ATP13A3: variants seen among roughly 807,000 people sequenced by gnomAD.
The protein encoded by ATP13A3 is polyamine-transporting ATPase 13A3.
A neutral mutation model predicts 158.1 loss-of-function variants in ATP13A3; 59 were observed. The ratio of observed to expected loss-of-function variants is 0.37; its 90% CI spans 0.30 to 0.46. The LOEUF is 0.46. ATP13A3 is among the 20% of genes least tolerant of loss of function. The probability of loss-of-function intolerance (pLI) is 1.00; values close to 1 mark genes in which losing one functional copy is unlikely to be tolerated. For synonymous variants in ATP13A3, 491 were observed against 504.3 expected (o/e 0.97, Z 0.35); for missense variants, 1,166 against 1,525.2 (o/e 0.76, Z 3.92).
At chr3:194,455,859 T>C (rs749614901) in intron 8 of ATP13A3, 34 bp downstream of exon 8, 2 of 1,292,740 alleles carry the variant, frequency 1.5e-6, no homozygotes, top group Admixed American at 2.3e-5. Flanking sequence ...CCATTGATCA[T>C]GACTGTTAAG....
At chr3:194,471,132 G>C (rs959354636) in intron 2 of ATP13A3, among the ~76,000 whole-genome samples, 3 of 151,936 alleles carry the variant, frequency 2.0e-5, no homozygotes, top group African/African-American at 7.3e-5. Flanking sequence ...AGGAACCTTT[G>C]AAGCACATCA....
At position 194,446,986 on chromosome 3, in the gene ATP13A3, A is replaced by T; in HGVS notation, c.1438T>A (p.Cys480Ser). 3 of 1,613,854 alleles carry T rather than the reference A, an allele frequency of 1.9e-6. No individual in the cohort carries two copies. Among genetic ancestry groups the T allele is most frequent in the Non-Finnish European group, 1.7e-6 (2 of 1,179,962 alleles). The change falls in exon 14 of 34, where the codon TGT (cysteine) becomes AGT (serine). Residue 480 changes from cysteine (C) to serine (S), a missense_variant. This residue lies in a region of ATP13A3 where 997 missense variants were observed against 1,341.2 expected (regional missense o/e 0.74). Coordinates refer to ENST00000645319, the MANE Select transcript of ATP13A3 (RefSeq NM_001367549.1). The stretch of plus-strand genomic sequence containing the variant: ...ATATTTATTCTTTGAGGACTGATAC[A>T]GAAAATACCGATTTTTTTCAGTCTT... Reference protein sequence around the residue: ...QRRLKKIGIFCISPQRINICG... With the variant: ...QRRLKKIGIFSISPQRINICG...
chr3:194,441,836 A>T (rs1718072489), intron 15 of ATP13A3, among the ~76,000 whole-genome samples: 1 of 152,204 alleles, frequency 6.6e-6, no homozygotes, highest in Non-Finnish European at 1.5e-5. Flanking sequence ...CCTTGGGAAA[A>T]GGGCAGATGA....
intron 15 of ATP13A3, 74 bp from the exon 16 acceptor site, chr3:194,441,535 G>T: frequency 7.5e-7 from 1 of 1,340,366 alleles, no homozygotes; most frequent in Non-Finnish European, 1.0e-6. Context: ...GGCTTTTCTG[G>T]TTTTGTAATT....
chr3:194,415,661 CTTTTTTTTTTTTTT>C (rs751005733), intron 31 of ATP13A3, among the ~76,000 whole-genome samples: 1 of 90,928 alleles, frequency 1.1e-5, no homozygotes, highest in Admixed American at 1.2e-4. Context: ...ATACCACATT[CTTTTTTTTTTTTTT>C]TTTTTTTTTT....
intron 2 of ATP13A3, among the ~76,000 whole-genome samples, chr3:194,465,245 G>GTT (rs2108994402): frequency 6.6e-6 from 1 of 152,330 alleles, no homozygotes; most frequent in African/African-American, 2.4e-5. Flanking sequence ...CTCAGAGGGA[G>GTT]CCCAGCAGTT....
intron 20 of ATP13A3, among the ~76,000 whole-genome samples, chr3:194,436,475 T>G (rs2108842824): frequency 6.6e-6 from 1 of 152,254 alleles, no homozygotes; most frequent in East Asian, 1.9e-4. Context: ...AAAATAAACT[T>G]CTAAAAAATT....
chr3:194,435,933 A>C (rs922887023), intron 20 of ATP13A3, among the ~76,000 whole-genome samples: 2 of 152,126 alleles, frequency 1.3e-5, no homozygotes, highest in Non-Finnish European at 2.9e-5. Flanking sequence ...ACTGTAGGCA[A>C]TTCAGTAATT....
At chr3:194,438,336 A>T (rs1717809385) in intron 17 of ATP13A3, among the ~76,000 whole-genome samples, 1 of 152,226 alleles carries the variant, frequency 6.6e-6, no homozygotes, top group African/African-American at 2.4e-5. Flanking sequence ...AACTTAAAAA[A>T]TAGTAATAAT....
Position 194,413,825 on chromosome 3 carries a change from T to C in ATP13A3, c.3417A>G (p.Pro1139=), listed in dbSNP as rs371360040. 1.5e-5 allele frequency: 24 copies of C among 1,613,342 alleles called. No homozygotes were observed. The highest frequency in any genetic ancestry group is 4.0e-5 in the African/African-American group (3 of 74,916). The part of the protein sequence containing the change: ...VDQVLQIVCV[P]YQWRVTMLII... ...TGAGCATAGTTACACGCCACTGATA[T>C]GGTACACACACTATCTGTAATGCAA... Residue 1139 remains proline, a synonymous_variant, in exon 32 of 34, where the codon CCA becomes CCG. Transcript: ENST00000645319.
At position 194,429,690 on chromosome 3, in the gene ATP13A3, A is replaced by C. The variant is rs759315254; in HGVS notation, c.2862T>G (p.Thr954=). The change falls in exon 27 of 34, where the codon ACT becomes ACG. Residue 954 remains threonine (T), a synonymous_variant. Transcript: ENST00000645319. ...TGTTAATACTCACAGAATACAGCAG[A>C]GTAACACTGAAGTACTGGATAATGC... ...LYSIIQYFSV[T]LLYSILSNLG... The C allele has an allele frequency of 4.4e-6, 7 of 1,608,802 alleles. No homozygotes were observed. Among genetic ancestry groups the C allele is most frequent in the Non-Finnish European group, 5.1e-6 (6 of 1,175,360 alleles).
Position 194,415,457 on chromosome 3 carries a change from C to T in ATP13A3, c.3403-1618G>A, listed in dbSNP as rs573411837. On this transcript the variant is annotated intron_variant, in intron 31 of 33. Coordinates refer to ENST00000645319, the MANE Select transcript of ATP13A3 (RefSeq NM_001367549.1). ...CTTTTACTGTAAGTGCTTATCTAAA[C>T]CCCTCAATGAAATATGCAGGGAAAC... Among the ~76,000 whole-genome samples, 5 of 152,216 alleles carry T rather than the reference C, an allele frequency of 3.3e-5. No individual in the cohort carries two copies. In the South Asian group the frequency reaches 1.0e-3, roughly 32 times the overall value.
chr3:194,409,037 G>A (rs1158416193), intron 33 of ATP13A3, among the ~76,000 whole-genome samples: 1 of 152,156 alleles, frequency 6.6e-6, no homozygotes, highest in East Asian at 1.9e-4. Flanking sequence ...AGTAGCTATA[G>A]CAACCGGATC....
chr3:194,437,166 G>A lies in ATP13A3; in HGVS notation c.2049C>T (p.Phe683=). 6.2e-7 allele frequency: 1 copy of A among 1,614,064 alleles called. No homozygotes were observed. Among genetic ancestry groups the A allele is most frequent in the Non-Finnish European group, 8.5e-7 (1 of 1,179,930 alleles). The change falls in exon 20 of 34, where the codon TTC becomes TTT. Residue 683 remains phenylalanine (F), a synonymous_variant. Coordinates refer to ENST00000645319, the MANE Select transcript of ATP13A3 (RefSeq NM_001367549.1). ...NVLEDFTKQG[F]RVIALAHRKL... is the part of the protein sequence containing the mutation. ...TTCTGTGTGCAAGAGCAATCACACG[G>A]AAGCCCTGTTTAGTGAAGTCTTCCA...
At chr3:194,485,876 C>T (rs9819376) in intron 1 of ATP13A3, 41 bp from the exon 2 acceptor site, 30,278 of 152,116 alleles carry the variant, frequency 0.2, 5,993 homozygotes, top group African/African-American at 0.51. Flanking sequence ...CACAAAGCTT[C>T]TTCCACACCG....
intron 30 of ATP13A3, among the ~76,000 whole-genome samples, chr3:194,423,219 C>T (rs1716515390): frequency 6.6e-6 from 1 of 151,718 alleles, no homozygotes; most frequent in African/African-American, 2.4e-5. Flanking sequence ...CAGGTAACCA[C>T]ACAGACTGAA....
At chr3:194,430,920 C>G in intron 24 of ATP13A3, 23 bp downstream of exon 24, 2 of 1,562,196 alleles carry the variant, frequency 1.3e-6, no homozygotes, top group Non-Finnish European at 1.7e-6. Context: ...AAAACCAAAA[C>G]CAAAAAAGAC....
rs1051638867 is a variant in ATP13A3, at chr3:194,446,399, G to A, written c.1497+528C>T. Among the ~76,000 whole-genome samples the A allele has an allele frequency of 1.6e-4, 25 of 152,132 alleles. 1 individual carries two copies. The highest frequency in any genetic ancestry group is 1.0e-4 in the Non-Finnish European group (7 of 68,028). ...GCACATTTAAATGGTCCCAGTCTGC[G>A]CGAGTGTGAGTACACCCTGCGATAC... On this transcript the variant is annotated intron_variant, in intron 14 of 33. Transcript: ENST00000645319.
At position 194,454,356 on chromosome 3, in the gene ATP13A3, C is replaced by T. The variant is rs771998820; in HGVS notation, c.667G>A (p.Val223Ile). Residue 223 changes from valine (V) to isoleucine (I), a missense_variant, in exon 9 of 34, where the codon GTT (valine) becomes ATT (isoleucine). Around this residue, in one of 3 missense-constraint regions of ATP13A3, gnomAD observed 997 missense variants for 1,341.2 expected, o/e 0.74. Coordinates refer to ENST00000645319, the MANE Select transcript of ATP13A3 (RefSeq NM_001367549.1). ...TATTCATCAGTGCTCCACAGTATAACACTGAACAGCTGGAAAATGTAAAAT... is the reference window on the plus strand; with the variant it reads ...TATTCATCAGTGCTCCACAGTATAATACTGAACAGCTGGAAAATGTAAAAT... Reference protein sequence around the residue: ...NPFYIFQLFSVILWSTDEYYY... With the variant: ...NPFYIFQLFSIILWSTDEYYY... The T allele has an allele frequency of 6.2e-7, 1 of 1,611,536 alleles. No individual in the cohort carries two copies. Among genetic ancestry groups the T allele is most frequent in the East Asian group, 2.2e-5 (1 of 44,844 alleles).
Sources: gnomAD v4.1 joint callset for allele counts (sites outside exome capture counted in the v4.1 genomes callset) on GRCh38, gnomAD v4.1.1 for gene constraint, gnomAD v4.1.1 regional missense constraint, MANE v1.5 for transcripts, NCBI Gene and HGNC (gene_info 2026-07-23, HGNC 2026-07-21) for gene names.